Variants in PPIL2 observed in about 807,000 individuals in gnomAD.
PPIL2 encodes RING-type E3 ubiquitin-protein ligase PPIL2.
In PPIL2, 50 loss-of-function variants were observed where a neutral mutation model predicts 75.2. The observed-to-expected ratio is 0.66, with a 90% CI of 0.53 to 0.84. The LOEUF is 0.84. PPIL2 is among the 40% of genes least tolerant of loss of function. PPIL2 has a pLI of 0.00. For missense variants in PPIL2, 590 were observed against 685.0 expected, an observed-to-expected ratio of 0.86 and a Z score of 1.55; for synonymous variants, 245 against 258.8, an observed-to-expected ratio of 0.95 and a Z score of 0.51.
intron 4 of PPIL2, among the ~76,000 whole-genome samples, chr22:21,671,277 C>T (rs146708734): frequency 6.6e-6 from 1 of 152,316 alleles, no homozygotes; most frequent in African/African-American, 2.4e-5. Flanking sequence ...CCACCCCCTA[C>T]CCCTCCAAGT....
chr22:21,668,714 A>AT (rs145174874), intron 1 of PPIL2, among the ~76,000 whole-genome samples: 2,098 of 130,818 alleles, frequency 0.016, 24 homozygotes, highest in South Asian at 0.04. Flanking sequence ...ATAAGATACC[A>AT]TTTTTTTTTT....
chr22:21,687,068 AATATAGGG>A, intron 12 of PPIL2, 70 bp downstream of exon 12: 4 of 1,396,918 alleles, frequency 2.9e-6, no homozygotes, highest in Non-Finnish European at 4.1e-6. Context: ...CCATGTCTTA[AATATAGGG>A]CTGCCACTGG....
At chr22:21,670,771 T>C in intron 3 of PPIL2, 160 bp downstream of exon 3, 1 of 908,820 alleles carries the variant, frequency 1.1e-6, no homozygotes. Context: ...CTCGTCATGA[T>C]GTTAGGAGCT....
intron 19 of PPIL2, 72 bp from the exon 20 acceptor site, chr22:21,695,322 G>A (rs767351003): frequency 4.3e-5 from 65 of 1,513,766 alleles, no homozygotes; most frequent in African/African-American, 6.9e-5. Flanking sequence ...CGGGAGGGCT[G>A]TATGGAGACA....
At chr22:21,687,549 TCAA>T in intron 12 of PPIL2, 91 bp from the exon 13 acceptor site, 1 of 468,262 alleles carries the variant, frequency 2.1e-6, no homozygotes, top group South Asian at 2.0e-5. Flanking sequence ...AGACTCCACC[TCAA>T]AAAAAAAAAA....
chr22:21,697,132 G>A lies in PPIL2; in HGVS notation c.*1642G>A, dbSNP rs2067969360. ...CCTCCGCAAGGCCTGGTGCAGCCCT[G>A]GCAGTAACTGGCTTGTAAGAGGCTC... On this transcript the variant is annotated 3_prime_UTR_variant, in exon 20 of 20. Coordinates refer to ENST00000398831, the MANE Select transcript of PPIL2 (RefSeq NM_014337.4). The A allele has an allele frequency of 3.6e-6, 3 of 825,492 alleles. No individual in the cohort carries two copies. The highest frequency in any genetic ancestry group is 3.7e-6 in the Non-Finnish European group (2 of 538,940). The allele number at this position is 825,492 out of a possible 1,614,324, so 51.1% of individuals were successfully genotyped here. A position where few individuals can be genotyped will look rare whatever the true frequency, so the allele number is the denominator to read the frequency against.
Position 21,696,721 on chromosome 22 carries a change from G to T in PPIL2, c.*1231G>T. 1 of 1,536,902 alleles carries T rather than the reference G, an allele frequency of 6.5e-7. No individual in the cohort carries two copies. The highest frequency in any genetic ancestry group is 8.7e-7 in the Non-Finnish European group (1 of 1,146,492). On this transcript the variant is annotated 3_prime_UTR_variant, in exon 20 of 20. Coordinates refer to ENST00000398831, the MANE Select transcript of PPIL2 (RefSeq NM_014337.4). ...CCTTGTTCTTGGTTTTCTCATTTTT[G>T]TTGCCCCAAATCTTGAACCTGTCAG...
chr22:21,681,369 C>T lies in PPIL2; in HGVS notation c.366C>T (p.Thr122=), dbSNP rs373338516. 1.6e-5 allele frequency: 26 copies of T among 1,613,770 alleles called. No individual in the cohort carries two copies. The highest frequency in any genetic ancestry group is 8.3e-5 in the Admixed American group (5 of 60,008). The change falls in exon 7 of 20, where the codon ACC becomes ACT. Residue 122 remains threonine (T), a synonymous_variant. Coordinates refer to ENST00000398831, the MANE Select transcript of PPIL2 (RefSeq NM_014337.4). Reference sequence around the variant, plus strand: ...CCCACATCGTGGCTGTGAGGACGACCGGCAACGTCTACGCCTATGAGGTGT... The same window carrying T: ...CCCACATCGTGGCTGTGAGGACGACTGGCAACGTCTACGCCTATGAGGTGT... ...NNTHIVAVRT[T]GNVYAYEAVE... is the part of the protein sequence containing the mutation.
downstream of PPIL2, chr22:21,698,451 C>T (rs1242754708): frequency 6.6e-6 from 1 of 152,286 alleles, no homozygotes; most frequent in East Asian, 1.9e-4. Context: ...GAAGTTTCTT[C>T]CATGTAAGTG....
rs755419152 is a variant in PPIL2, at chr22:21,695,535, G to C, written c.*45G>C. Reference sequence around the variant, plus strand: ...GACCTTGGTGGGGTTGCAGGGCTGGGGGCCCATGTCCACATCTCCATTTCC... The same window carrying C: ...GACCTTGGTGGGGTTGCAGGGCTGGCGGCCCATGTCCACATCTCCATTTCC... On this transcript the variant is annotated 3_prime_UTR_variant, in exon 20 of 20. Transcript: ENST00000398831. 6.4e-7 allele frequency: 1 copy of C among 1,558,592 alleles called. No individual in the cohort carries two copies. Among genetic ancestry groups the C allele is most frequent in the Non-Finnish European group, 8.7e-7 (1 of 1,151,018 alleles).
rs1259301201 is a variant in PPIL2 at position 21,672,366 on chromosome 22, C to T, written c.228C>T (p.Asn76=). Reference sequence around the variant, plus strand: ...CATGGCTTAAGAAGTACGGGACCAACCCCAGCAATGGAGAGGTAGGTGGCT... The same window carrying T: ...CATGGCTTAAGAAGTACGGGACCAATCCCAGCAATGGAGAGGTAGGTGGCT... ...IVPWLKKYGT[N]PSNGEKLDGR... The change falls in exon 5 of 20, where the codon AAC becomes AAT. Residue 76 remains asparagine, a synonymous_variant. Transcript: ENST00000398831. 3.7e-6 allele frequency: 6 copies of T among 1,610,986 alleles called. No homozygotes were observed. The highest frequency in any genetic ancestry group is 5.1e-6 in the Non-Finnish European group (6 of 1,177,138).
intron 12 of PPIL2, 133 bp downstream of exon 12, chr22:21,687,131 C>G: frequency 1.2e-6 from 1 of 830,438 alleles, no homozygotes; most frequent in South Asian, 1.5e-5. Flanking sequence ...AGGCGGGACC[C>G]GCAGCAGTGC....
intron 15 of PPIL2, among the ~76,000 whole-genome samples, chr22:21,692,603 G>T (rs2148572994): frequency 6.6e-6 from 1 of 151,642 alleles, no homozygotes; most frequent in Admixed American, 6.6e-5. Context: ...TTTTACTTCT[G>T]GTCTAAGGTT....
chr22:21,693,994 G>A, intron 16 of PPIL2, 122 bp downstream of exon 16: 1 of 1,097,456 alleles, frequency 9.1e-7, no homozygotes, highest in Non-Finnish European at 1.4e-6. Flanking sequence ...GGCCATCACT[G>A]CTGGGGGTTG....
intron 14 of PPIL2, 22 bp from the exon 15 acceptor site, chr22:21,688,707 GCTC>G: frequency 6.2e-7 from 1 of 1,608,252 alleles, no homozygotes; most frequent in Non-Finnish European, 8.5e-7. Flanking sequence ...AGGCTTTCCT[GCTC>G]CCATGGGCCT....
At chr22:21,680,070 G>A (rs965982534) in intron 6 of PPIL2, among the ~76,000 whole-genome samples, 4 of 136,282 alleles carry the variant, frequency 2.9e-5, no homozygotes, top group Non-Finnish European at 6.4e-5. Flanking sequence ...TGCAGCCTGG[G>A]CAACGGCAAG....
intron 4 of PPIL2, 44 bp downstream of exon 4, chr22:21,671,103 C>T (rs1321607009): frequency 6.4e-7 from 1 of 1,557,014 alleles, no homozygotes; most frequent in Non-Finnish European, 8.9e-7. Context: ...GTGAGATTCT[C>T]AACACCCATT....
At position 21,695,858 on chromosome 22, in the gene PPIL2, G is replaced by T; in HGVS notation, c.*368G>T. 1.8e-6 allele frequency: 2 copies of T among 1,122,006 alleles called. No homozygotes were observed. Among genetic ancestry groups the T allele is most frequent in the Non-Finnish European group, 2.2e-6 (2 of 908,428 alleles). 69.5% of individuals were successfully genotyped at this position (1,122,006 alleles called of 1,614,324 possible). A position where few individuals can be genotyped will look rare whatever the true frequency, so the allele number is the denominator to read the frequency against. ...CCTCTTTAAGACAGGGTCTTGCTCTGTTGCCCAGGCTCCAGTGCAGTGGTG... is the reference window on the plus strand; with the variant it reads ...CCTCTTTAAGACAGGGTCTTGCTCTTTTGCCCAGGCTCCAGTGCAGTGGTG... On this transcript the variant is annotated 3_prime_UTR_variant, in exon 20 of 20. Coordinates refer to ENST00000398831, the MANE Select transcript of PPIL2 (RefSeq NM_014337.4).
At position 21,684,863 on chromosome 22, in the gene PPIL2, G is replaced by T; in HGVS notation, c.664G>T (p.Ala222Ser). 1 of 1,614,130 alleles carries T rather than the reference G, an allele frequency of 6.2e-7. No individual in the cohort carries two copies. The highest frequency in any genetic ancestry group is 8.5e-7 in the Non-Finnish European group (1 of 1,179,982). The change falls in exon 10 of 20, where the codon GCA becomes TCA. Residue 222 changes from alanine (A) to serine (S), a missense_variant. Transcript: ENST00000398831. Reference protein sequence around the residue: ...YKEFKGDEILAATMKAPEKKK... With the variant: ...YKEFKGDEILSATMKAPEKKK... ...GGAGTTCAAAGGGGACGAGATTCTG[G>T]CAGCCACCATGAAGGCCCCGGAGAA...
Sources: allele counts gnomAD v4.1 joint callset (sites outside exome capture counted in the v4.1 genomes callset), GRCh38; gene constraint gnomAD v4.1.1; transcripts MANE v1.5; gene names NCBI Gene and HGNC (gene_info 2026-07-23, HGNC 2026-07-21).